PEPD: variants seen among roughly 807,000 people sequenced by gnomAD.
PEPD encodes the protein peptidase D.
In PEPD, 53 loss-of-function variants were observed where a neutral mutation model predicts 60.7. The ratio of observed to expected loss-of-function variants is 0.87; its 90% CI spans 0.70 to 1.10. The LOEUF is 1.10. Among genes scored for constraint, PEPD ranks in the 50% least tolerant of loss-of-function variants. PEPD has a pLI of 0.00. For missense variants in PEPD, 711 were observed against 711.9 expected (o/e 1.00, Z 0.01); for synonymous variants, 267 against 284.1 (o/e 0.94, Z 0.60).
intron 7 of PEPD, among the ~76,000 whole-genome samples, chr19:33,474,558 C>T (rs941197871): frequency 4.6e-5 from 7 of 152,018 alleles, no homozygotes; most frequent in African/African-American, 1.2e-4. Context: ...CATGGTGGTG[C>T]GCACCTGTAG....
At chr19:33,422,083 CCT>C (rs946757433) in intron 9 of PEPD, among the ~76,000 whole-genome samples, 18 of 152,138 alleles carry the variant, frequency 1.2e-4, no homozygotes, top group Non-Finnish European at 2.2e-4. Context: ...CCCTTACTCC[CCT>C]GTCTTGTCTT....
intron 4 of PEPD, 86 bp from the exon 5 acceptor site, chr19:33,493,423 T>C (rs1970538388): frequency 1.1e-6 from 1 of 936,656 alleles, no homozygotes; most frequent in Non-Finnish European, 1.8e-6. Context: ...ATAATGACAG[T>C]GCACATTTAT....
At chr19:33,431,180 A>AAGGG (rs1365719619) in intron 9 of PEPD, among the ~76,000 whole-genome samples, 66 of 129,980 alleles carry the variant, frequency 5.1e-4, no homozygotes, top group South Asian at 1.2e-3. Context: ...GGAAGGAAGG[A>AAGGG]AGGGAGGGAG....
intron 3 of PEPD, 131 bp from the exon 4 acceptor site, chr19:33,501,132 G>A (rs1317672636): frequency 4.1e-6 from 3 of 734,614 alleles, no homozygotes; most frequent in Non-Finnish European, 7.5e-6. Context: ...CCAGCACCCA[G>A]CACCCGGCAC....
intron 9 of PEPD, among the ~76,000 whole-genome samples, chr19:33,447,458 G>A (rs1429984716): frequency 1.3e-5 from 2 of 152,204 alleles, no homozygotes; most frequent in African/African-American, 4.8e-5. Flanking sequence ...TCCTGCAGGT[G>A]CAGGAGCCCG....
At chr19:33,490,511 C>G (rs1197068103) in intron 5 of PEPD, among the ~76,000 whole-genome samples, 1 of 152,232 alleles carries the variant, frequency 6.6e-6, no homozygotes, top group East Asian at 1.9e-4. Flanking sequence ...TGTGCAGGAC[C>G]TGACTGTGGC....
chr19:33,491,818 G>C (rs892629755), intron 5 of PEPD, among the ~76,000 whole-genome samples: 1 of 152,194 alleles, frequency 6.6e-6, no homozygotes, highest in Non-Finnish European at 1.5e-5. Context: ...CCTTATGTTT[G>C]CTTGGACCAG....
chr19:33,472,648 A>G (rs887807848), intron 7 of PEPD, among the ~76,000 whole-genome samples: 5 of 152,206 alleles, frequency 3.3e-5, no homozygotes, highest in Non-Finnish European at 5.9e-5. Flanking sequence ...CTGAATTAAG[A>G]TATCAATTAA....
chr19:33,508,146 G>A (rs1361058066), intron 3 of PEPD, among the ~76,000 whole-genome samples: 1 of 152,130 alleles, frequency 6.6e-6, no homozygotes, highest in Non-Finnish European at 1.5e-5. Context: ...GGAGGCATCC[G>A]ACCTGACTGC....
chr19:33,471,945 T>C (rs1228640582), intron 7 of PEPD, among the ~76,000 whole-genome samples: 1 of 152,164 alleles, frequency 6.6e-6, no homozygotes, highest in African/African-American at 2.4e-5. Flanking sequence ...GTGGATCACC[T>C]GAGGTCGGAA....
At chr19:33,480,091 C>T (rs982487764) in intron 6 of PEPD, among the ~76,000 whole-genome samples, 2 of 152,142 alleles carry the variant, frequency 1.3e-5, no homozygotes, top group African/African-American at 4.8e-5. Flanking sequence ...TACTTTTTGA[C>T]TTTTTAATAA....
At chr19:33,408,487 T>C (rs1968691013) in intron 11 of PEPD, among the ~76,000 whole-genome samples, 1 of 152,202 alleles carries the variant, frequency 6.6e-6, no homozygotes, top group African/African-American at 2.4e-5. Flanking sequence ...GTGTGCGTGT[T>C]GGGGGAGTGC....
At chr19:33,480,451 A>C (rs1459141719) in intron 6 of PEPD, among the ~76,000 whole-genome samples, 1 of 152,264 alleles carries the variant, frequency 6.6e-6, no homozygotes, top group Non-Finnish European at 1.5e-5. Context: ...AGACGTCAAT[A>C]ATCTACTTTC....
intron 9 of PEPD, among the ~76,000 whole-genome samples, chr19:33,414,781 G>A (rs1968853834): frequency 6.6e-6 from 1 of 152,270 alleles, no homozygotes; most frequent in African/African-American, 2.4e-5. Flanking sequence ...AGGAACGGCT[G>A]TGGTAGATTC....
chr19:33,420,167 A>G (rs1968981615), intron 9 of PEPD, among the ~76,000 whole-genome samples: 1 of 151,530 alleles, frequency 6.6e-6, no homozygotes, highest in African/African-American at 2.4e-5. Flanking sequence ...AGTTCCTCGG[A>G]TCAGTTACGG....
At chr19:33,393,179 G>T (rs1341598736) in intron 12 of PEPD, among the ~76,000 whole-genome samples, 2 of 151,456 alleles carry the variant, frequency 1.3e-5, no homozygotes, top group Non-Finnish European at 2.9e-5. Context: ...CTGGGGTCTG[G>T]CGTGGGGGAG....
intron 2 of PEPD, 159 bp from the exon 3 acceptor site, chr19:33,511,314 C>T (rs1052136930): frequency 1.4e-6 from 1 of 714,910 alleles, no homozygotes; most frequent in African/African-American, 1.7e-5. Context: ...CTCGACTCCC[C>T]AGCTCATCCT....
chr19:33,408,035 G>C (rs1257979891), intron 11 of PEPD, among the ~76,000 whole-genome samples: 1 of 152,226 alleles, frequency 6.6e-6, no homozygotes, highest in Non-Finnish European at 1.5e-5. Flanking sequence ...CTGGTTCATA[G>C]GCCCTCTTGG....
intron 9 of PEPD, among the ~76,000 whole-genome samples, chr19:33,432,010 A>AAAAG (rs1031542443): frequency 6.8e-6 from 1 of 147,516 alleles, no homozygotes; most frequent in African/African-American, 2.6e-5. Flanking sequence ...AAAAAAAAAA[A>AAAAG]GGGAAGATTA....
Sources: allele counts gnomAD v4.1 joint callset (sites outside exome capture counted in the v4.1 genomes callset), GRCh38; gene constraint gnomAD v4.1.1; transcripts MANE v1.5; gene names NCBI Gene and HGNC (gene_info 2026-07-23, HGNC 2026-07-21).